RIMS1: variants seen among roughly 807,000 people sequenced by gnomAD.
RIMS1 encodes the protein regulating synaptic membrane exocytosis 1.
RIMS1 carries 83 observed loss-of-function variants against 214.1 expected under a neutral mutation model. The observed-to-expected ratio is 0.39, with a 90% CI of 0.32 to 0.47. RIMS1 has a LOEUF of 0.47. Among genes scored for constraint, RIMS1 ranks in the 20% least tolerant of loss-of-function variants. The pLI is 0.99. For missense variants in RIMS1, 2,050 were observed against 2,161.8 expected, an observed-to-expected ratio of 0.95 and a Z score of 1.03; for synonymous variants, 793 against 786.8, an observed-to-expected ratio of 1.01 and a Z score of -0.13.
chr6:71,923,056 T>A (rs1185178777), intron 1 of RIMS1, among the ~76,000 whole-genome samples: 2 of 152,218 alleles, frequency 1.3e-5, no homozygotes, highest in African/African-American at 2.4e-5. Flanking sequence ...TTTAGGACTT[T>A]TCTCCTGTCC....
chr6:72,266,452 G>A (rs772510776), intron 22 of RIMS1: 2 of 210,896 alleles, frequency 9.5e-6, no homozygotes, highest in Non-Finnish European at 9.7e-6. Context: ...GTATTTATAG[G>A]TTTAACAACA....
intron 30 of RIMS1, chr6:72,391,023 A>G (rs1276154290): frequency 7.5e-6 from 2 of 267,454 alleles, no homozygotes; most frequent in Non-Finnish European, 1.4e-5. Flanking sequence ...TGTTTAGTGT[A>G]CAAATGCCAC....
At chr6:72,318,834 G>A (rs955112645) in intron 28 of RIMS1, among the ~76,000 whole-genome samples, 10 of 152,160 alleles carry the variant, frequency 6.6e-5, no homozygotes, top group Admixed American at 2.0e-4. Context: ...TTTAGTTCTC[G>A]TTTGGTTTTT....
chr6:72,339,292 T>A (rs912523896), intron 29 of RIMS1, among the ~76,000 whole-genome samples: 2 of 151,998 alleles, frequency 1.3e-5, no homozygotes, highest in Non-Finnish European at 2.9e-5. Context: ...TATCTTTTTT[T>A]AAAATTATAC....
intron 2 of RIMS1, among the ~76,000 whole-genome samples, chr6:72,042,176 C>T (rs578040328): frequency 4.6e-5 from 7 of 151,904 alleles, no homozygotes; most frequent in Middle Eastern, 3.4e-3. Context: ...ACTTTCAACC[C>T]AGATCAGACA....
At chr6:71,925,259 G>A (rs536187432) in intron 1 of RIMS1, among the ~76,000 whole-genome samples, 54 of 152,196 alleles carry the variant, frequency 3.5e-4, no homozygotes, top group Middle Eastern at 3.4e-3. Flanking sequence ...TTATCCATCC[G>A]TTGCCTGCCC....
Position 72,400,772 on chromosome 6 carries a change from C to A in RIMS1, c.*58C>A. The A allele has an allele frequency of 7.6e-7, 1 of 1,315,620 alleles. No individual in the cohort carries two copies. The highest frequency in any genetic ancestry group is 1.1e-6 in the Non-Finnish European group (1 of 933,414). The allele number at this position is 1,315,620 out of a possible 1,614,324, so 81.5% of individuals were successfully genotyped here. On this transcript the variant is annotated 3_prime_UTR_variant, in exon 34 of 34. Coordinates refer to ENST00000521978, the MANE Select transcript of RIMS1 (RefSeq NM_014989.7). ...CTACTTTTCAGGATAATAATCTGAA[C>A]CAGATATTTCATGATCGAAAGCATT...
Position 72,185,973 on chromosome 6 carries a change from T to C in RIMS1, c.1678+2824T>C, listed in dbSNP as rs188732796. Among the ~76,000 whole-genome samples, 245 of 152,366 alleles carry C rather than the reference T, an allele frequency of 1.6e-3. 2 individuals are homozygous for C. The highest frequency in any genetic ancestry group is 5.7e-3 in the African/African-American group (238 of 41,590). ...TTACTTAATGACTAGTAAATATATG[T>C]TATCTTCTTTATGGTTTCCTTAATA... On this transcript the variant is annotated intron_variant, in intron 6 of 33. Transcript: ENST00000521978.
chr6:72,020,620 C>CA (rs1378464452), intron 2 of RIMS1, among the ~76,000 whole-genome samples: 1 of 152,120 alleles, frequency 6.6e-6, no homozygotes, highest in Non-Finnish European at 1.5e-5. Context: ...CTTGATATTT[C>CA]AATGGTATTT....
chr6:72,071,052 T>C (rs1830467189), intron 2 of RIMS1, among the ~76,000 whole-genome samples: 2 of 152,232 alleles, frequency 1.3e-5, no homozygotes, highest in South Asian at 4.1e-4. Context: ...GGAAAAAGTT[T>C]GCCTATGGTG....
At chr6:72,080,270 A>C (rs1226905927) in intron 2 of RIMS1, among the ~76,000 whole-genome samples, 1 of 151,966 alleles carries the variant, frequency 6.6e-6, no homozygotes, top group Non-Finnish European at 1.5e-5. Context: ...TCTCAAAAAT[A>C]AAATAAAATA....
In RIMS1 at chr6:71,886,600, C is replaced by CCCCAGT. The variant is rs921881473; in HGVS notation, c.-418_-413dup. Reference sequence around the variant, plus strand: ...GCAGCCTCCACGGCGGCAGCGGCCGCCCCAGTCCCAGCCCCAGCCCCAGCC... The same window carrying CCCCAGT: ...GCAGCCTCCACGGCGGCAGCGGCCGCCCCAGTCCCAGTCCCAGCCCCAGCCCCAGCC... On this transcript the variant is annotated 5_prime_UTR_variant, in exon 1 of 34. Transcript: ENST00000521978. The CCCCAGT allele has an allele frequency of 1.4e-5, 1 of 69,568 alleles. No individual in the cohort carries two copies. Among genetic ancestry groups the CCCCAGT allele is most frequent in the Non-Finnish European group, 3.9e-5 (1 of 25,350 alleles). 4.3% of individuals were successfully genotyped at this position (69,568 alleles called of 1,614,324 possible). A position where few individuals can be genotyped will look rare whatever the true frequency, so the allele number is the denominator to read the frequency against.
intron 23 of RIMS1, 139 bp from the exon 24 acceptor site, chr6:72,283,908 T>C (rs1174370046): frequency 1.7e-6 from 1 of 605,616 alleles, no homozygotes; most frequent in African/African-American, 1.9e-5. Context: ...ATTTGTTTAT[T>C]TAGTTTTGAA....
chr6:72,282,763 A>T (rs926820227), intron 23 of RIMS1, among the ~76,000 whole-genome samples: 9 of 152,176 alleles, frequency 5.9e-5, no homozygotes, highest in Non-Finnish European at 1.0e-4. Context: ...AGTGCCTGAC[A>T]TAGTTATCCC....
chr6:71,978,724 C>T lies in RIMS1; in HGVS notation c.245+9661C>T, dbSNP rs141237039. ...TGCATTGAGTCTTAATTTCTTGCTT[C>T]GTTAAAAGTTGTTTTCACATAAAAT... is the stretch of plus-strand genomic sequence containing the variant. On this transcript the variant is annotated intron_variant, in intron 2 of 33. Transcript: ENST00000521978. Among the ~76,000 whole-genome samples, 17 of 152,078 alleles carry T rather than the reference C, an allele frequency of 1.1e-4. No homozygotes were observed. In the East Asian group the frequency reaches 2.5e-3, roughly 22 times the overall value.
At chr6:72,051,043 A>C (rs1298134133) in intron 2 of RIMS1, among the ~76,000 whole-genome samples, 5 of 152,172 alleles carry the variant, frequency 3.3e-5, no homozygotes, top group Non-Finnish European at 7.3e-5. Flanking sequence ...CACACTTGAA[A>C]AAAGGAAGTG....
chr6:72,179,999 G>A (rs1032095268), intron 5 of RIMS1, 84 bp downstream of exon 5: 45 of 960,322 alleles, frequency 4.7e-5, no homozygotes, highest in Non-Finnish European at 2.8e-5. Flanking sequence ...CTTCTATTAC[G>A]AGGAATATGT....
In RIMS1 at chr6:72,210,380, G is replaced by A. The variant is rs748321453; in HGVS notation, c.1679-23393G>A. ...ACTTCTGACCACCTTTTCTGGTAAC[G>A]TGCCTTGTTATTTTTCTAGAAAAGA... On this transcript the variant is annotated intron_variant, in intron 6 of 33. Transcript: ENST00000521978. Among the ~76,000 whole-genome samples, 7 of 152,242 alleles carry A rather than the reference G, an allele frequency of 4.6e-5. No homozygotes were observed. The East Asian group carries it at 5.8e-4, about 13-fold the overall frequency.
At position 72,161,805 on chromosome 6, in the gene RIMS1, C is replaced by A. The variant is rs4624836; in HGVS notation, c.472-17770C>A. Among the ~76,000 whole-genome samples, 5 of 139,166 alleles carry A rather than the reference C, an allele frequency of 3.6e-5. 1 individual carries two copies. The highest frequency in any genetic ancestry group is 6.5e-5 in the Non-Finnish European group (4 of 61,462). The allele number at this position is 139,166 out of a possible 152,430, so 91.3% of individuals were successfully genotyped here. On this transcript the variant is annotated intron_variant, in intron 4 of 33. Transcript: ENST00000521978. Reference sequence around the variant, plus strand: ...CATTTGCTGAGGAGAGCTTTACTTCCAACTATGTGGTCAACTTTGGAATAA... The same window carrying A: ...CATTTGCTGAGGAGAGCTTTACTTCAAACTATGTGGTCAACTTTGGAATAA...
Sources: gnomAD v4.1 joint callset for allele counts (sites outside exome capture counted in the v4.1 genomes callset) on GRCh38, gnomAD v4.1.1 for gene constraint, MANE v1.5 for transcripts, NCBI Gene and HGNC (gene_info 2026-07-23, HGNC 2026-07-21) for gene names.